The following FSTL4 variants were observed in gnomAD, a reference collection of about 807,000 sequenced individuals.
FSTL4 encodes the protein follistatin-related protein 4.
FSTL4 carries 28 observed loss-of-function variants against 78.2 expected under a neutral mutation model. The ratio of observed to expected loss-of-function variants is 0.36; its 90% CI spans 0.27 to 0.49. The LOEUF (loss-of-function observed/expected upper bound fraction) is 0.49. FSTL4 is among the 20% of genes least tolerant of loss of function. The pLI, the probability that FSTL4 is intolerant of heterozygous loss-of-function variation, is 0.98. For missense variants in FSTL4, 922 were observed against 1,084.9 expected, an observed-to-expected ratio of 0.85 and a Z score of 2.11; for synonymous variants, 422 against 440.5, an observed-to-expected ratio of 0.96 and a Z score of 0.53.
Position 133,235,245 on chromosome 5 carries a change from C to T in FSTL4, c.895-1708G>A, listed in dbSNP as rs111978626. On this transcript the variant is annotated intron_variant, in intron 7 of 15. Coordinates refer to ENST00000265342, the MANE Select transcript of FSTL4 (RefSeq NM_015082.2). ...CTGTAATCCCAACACTTTGGGAGGCCGAGGCAGGTGGATCACTTGAGGTCA... is the reference window on the plus strand; with the variant it reads ...CTGTAATCCCAACACTTTGGGAGGCTGAGGCAGGTGGATCACTTGAGGTCA... Among the ~76,000 whole-genome samples the T allele has an allele frequency of 5.3e-3, 813 of 152,176 alleles. 11 individuals are homozygous for T. Among genetic ancestry groups the T allele is most frequent in the African/African-American group, 0.018 (744 of 41,502 alleles).
the FSTL4 span, among the ~76,000 whole-genome samples, chr5:133,722,091 G>C: frequency 2.2e-3 from 339 of 151,958 alleles, 8 homozygotes; most frequent in East Asian, 0.06. Context: ...CCAACCCCTG[G>C]GCCACAGACC....
At chr5:133,227,309 G>A (rs532881235) in intron 8 of FSTL4, among the ~76,000 whole-genome samples, 1 of 152,184 alleles carries the variant, frequency 6.6e-6, no homozygotes, top group Non-Finnish European at 1.5e-5. Flanking sequence ...GGAGGTCCAC[G>A]GAGCTCCAGC....
Position 133,196,827 on chromosome 5 carries a change from C to T in FSTL4, c.*2268G>A, listed in dbSNP as rs1750160279. 1.3e-5 allele frequency: 2 copies of T among 152,346 alleles called. 1 individual carries two copies. Among genetic ancestry groups the T allele is most frequent in the South Asian group, 4.1e-4 (2 of 4,834 alleles). The allele number at this position is 152,346 out of a possible 1,614,324, so 9.4% of individuals were successfully genotyped here. A position where few individuals can be genotyped will look rare whatever the true frequency, so the allele number is the denominator to read the frequency against. On this transcript the variant is annotated 3_prime_UTR_variant, in exon 16 of 16. Transcript: ENST00000265342. ...TACCTCCCTGCATTGGTGACTTTGC[C>T]TCCTGGGGCTGGACTCCTGAAACCC...
intron 6 of FSTL4, among the ~76,000 whole-genome samples, chr5:133,260,562 G>A (rs537827678): frequency 6.6e-6 from 1 of 152,226 alleles, no homozygotes; most frequent in South Asian, 2.1e-4. Flanking sequence ...TTTTGTAGAG[G>A]AAACATTGCT....
At chr5:133,265,343 G>A (rs1485891275) in intron 6 of FSTL4, among the ~76,000 whole-genome samples, 3 of 152,166 alleles carry the variant, frequency 2.0e-5, no homozygotes, top group Non-Finnish European at 4.4e-5. Flanking sequence ...CCTCACAGAG[G>A]AGCTCAAAAC....
intron 3 of FSTL4, among the ~76,000 whole-genome samples, chr5:133,516,665 G>A (rs907338361): frequency 6.6e-6 from 1 of 152,100 alleles, no homozygotes; most frequent in Admixed American, 6.5e-5. Flanking sequence ...TCACTCATGT[G>A]GAAAACATTT....
intron 3 of FSTL4, among the ~76,000 whole-genome samples, chr5:133,413,173 C>T (rs565349977): frequency 4.3e-4 from 66 of 152,106 alleles, no homozygotes; most frequent in Non-Finnish European, 7.9e-4. Flanking sequence ...CCTTAGAACA[C>T]CTTAGAACCT....
At chr5:133,444,774 T>C (rs1757226610) in intron 3 of FSTL4, among the ~76,000 whole-genome samples, 1 of 152,176 alleles carries the variant, frequency 6.6e-6, no homozygotes, top group Non-Finnish European at 1.5e-5. Flanking sequence ...TTATTAGCTG[T>C]GGGCCCATGG....
chr5:133,296,757 T>C (rs1271128519), intron 6 of FSTL4, among the ~76,000 whole-genome samples: 1 of 152,210 alleles, frequency 6.6e-6, no homozygotes, highest in Non-Finnish European at 1.5e-5. Flanking sequence ...TACGCATCCA[T>C]TGTTGTTTAT....
intron 8 of FSTL4, among the ~76,000 whole-genome samples, chr5:133,231,181 A>AG (rs1751485844): frequency 1.5e-5 from 2 of 137,020 alleles, no homozygotes; most frequent in Admixed American, 1.4e-4. Flanking sequence ...CCTACCTTGG[A>AG]AAAAAAAAAA....
the FSTL4 span, among the ~76,000 whole-genome samples, chr5:133,770,873 C>T: frequency 9.2e-5 from 14 of 151,968 alleles, no homozygotes; most frequent in Admixed American, 9.2e-4. Flanking sequence ...ATGTTTAGGT[C>T]TTCAATCCAT....
chr5:133,798,562 C>A, the FSTL4 span, among the ~76,000 whole-genome samples: 264 of 151,932 alleles, frequency 1.7e-3, no homozygotes, highest in Middle Eastern at 6.8e-3. Context: ...TAAGGGAGAG[C>A]TGAAACAGAA....
chr5:133,776,682 T>C, the FSTL4 span, among the ~76,000 whole-genome samples: 6 of 152,302 alleles, frequency 3.9e-5, no homozygotes, highest in Admixed American at 2.6e-4. Context: ...GGGGACCTGA[T>C]CACACCGAGT....
At chr5:133,712,067 T>G in the FSTL4 span, among the ~76,000 whole-genome samples, 3 of 152,146 alleles carry the variant, frequency 2.0e-5, no homozygotes, top group Non-Finnish European at 4.4e-5. Flanking sequence ...CAAGAACAAG[T>G]GCCATACAAG....
At chr5:133,671,306 A>G in the FSTL4 span, among the ~76,000 whole-genome samples, 1 of 152,296 alleles carries the variant, frequency 6.6e-6, no homozygotes, top group Non-Finnish European at 1.5e-5. Flanking sequence ...CTTGTCATTT[A>G]GGCCGCTCAA....
chr5:133,198,057 C>A lies in FSTL4; in HGVS notation c.*1038G>T, dbSNP rs750993738. 1 of 152,652 alleles carries A rather than the reference C, an allele frequency of 6.6e-6. No individual in the cohort carries two copies. Among genetic ancestry groups the A allele is most frequent in the Non-Finnish European group, 1.5e-5 (1 of 68,090 alleles). The allele number at this position is 152,652 out of a possible 1,614,324, so 9.5% of individuals were successfully genotyped here. ...TGGGCCACAGGTAGGAAAACAAAAT[C>A]TGTTTTGAAAAGGTATAGCTTCAGG... On this transcript the variant is annotated 3_prime_UTR_variant, in exon 16 of 16. Transcript: ENST00000265342.
chr5:133,732,981 C>A, the FSTL4 span, among the ~76,000 whole-genome samples: 12 of 152,242 alleles, frequency 7.9e-5, no homozygotes, highest in Non-Finnish European at 1.8e-4. Context: ...ATGCTCAAGT[C>A]CGTAATTGCA....
intron 14 of FSTL4, among the ~76,000 whole-genome samples, chr5:133,208,634 T>C (rs771866991): frequency 2.0e-5 from 3 of 152,216 alleles, no homozygotes; most frequent in Non-Finnish European, 4.4e-5. Flanking sequence ...TTGTTCTTTA[T>C]CTTTCAGACT....
intron 4 of FSTL4, among the ~76,000 whole-genome samples, chr5:133,328,987 T>C (rs1754278418): frequency 1.3e-5 from 2 of 152,196 alleles, no homozygotes; most frequent in South Asian, 4.1e-4. Context: ...TGAGCTACTG[T>C]GGCCTTTGAG....
Sources: gnomAD v4.1 joint callset for allele counts (sites outside exome capture counted in the v4.1 genomes callset) on GRCh38, gnomAD v4.1.1 for gene constraint, MANE v1.5 for transcripts, NCBI Gene and HGNC (gene_info 2026-07-23, HGNC 2026-07-21) for gene names.